Variants in CHST11 observed in about 807,000 individuals in gnomAD.
The protein encoded by CHST11 is C4S-1.
In CHST11, 9 loss-of-function variants were observed where a neutral mutation model predicts 30.4. The ratio of observed to expected loss-of-function variants is 0.30; its 90% confidence interval spans 0.18 to 0.52. The LOEUF (loss-of-function observed/expected upper bound fraction) is 0.52, where lower values mean the gene tolerates loss of function less well. Ranked by LOEUF, CHST11 falls within the 20% of genes least tolerant of loss-of-function variation. The probability of loss-of-function intolerance (pLI) is 0.97; values close to 1 mark genes in which losing one functional copy is unlikely to be tolerated. For missense variants in CHST11, 348 were observed against 460.6 expected (o/e 0.76, Z 2.24); for synonymous variants, 152 against 187.8 (o/e 0.81, Z 1.56).
chr12:104,579,429 T>G (rs887162952), intron 1 of CHST11, among the ~76,000 whole-genome samples: 1 of 152,194 alleles, frequency 6.6e-6, no homozygotes, highest in African/African-American at 2.4e-5. Flanking sequence ...TCTTGTGACC[T>G]TGGGGGCATC....
chr12:104,608,356 C>T (rs567443402), intron 2 of CHST11, among the ~76,000 whole-genome samples: 1 of 152,220 alleles, frequency 6.6e-6, no homozygotes, highest in East Asian at 1.9e-4. Flanking sequence ...GTGCAAATAA[C>T]TCCCCATCTT....
At chr12:104,727,326 G>A (rs1470993932) in intron 2 of CHST11, among the ~76,000 whole-genome samples, 1 of 152,198 alleles carries the variant, frequency 6.6e-6, no homozygotes, top group African/African-American at 2.4e-5. Flanking sequence ...AGCAATAAAT[G>A]TGTTAATCTA....
intron 1 of CHST11, among the ~76,000 whole-genome samples, chr12:104,473,844 G>C (rs1015553918): frequency 2.6e-5 from 4 of 151,834 alleles, no homozygotes; most frequent in African/African-American, 9.7e-5. Context: ...GAATAATTGA[G>C]AGCTGGTTTT....
At chr12:104,714,062 C>T (rs1383128828) in intron 2 of CHST11, among the ~76,000 whole-genome samples, 2 of 152,206 alleles carry the variant, frequency 1.3e-5, no homozygotes, top group South Asian at 4.1e-4. Context: ...CTAAGCATAG[C>T]TCAGAGCATT....
intron 2 of CHST11, among the ~76,000 whole-genome samples, chr12:104,753,961 T>C (rs929214392): frequency 9.2e-5 from 14 of 152,106 alleles, no homozygotes; most frequent in Admixed American, 1.3e-4. Context: ...GGCCCCATAT[T>C]TGGGTCATAA....
intron 1 of CHST11, among the ~76,000 whole-genome samples, chr12:104,595,722 C>T (rs887849652): frequency 6.6e-6 from 1 of 152,146 alleles, no homozygotes; most frequent in Non-Finnish European, 1.5e-5. Context: ...GTGCCATGGA[C>T]CAGGTGCCAT....
chr12:104,741,377 A>G (rs548923593), intron 2 of CHST11, among the ~76,000 whole-genome samples: 9 of 152,334 alleles, frequency 5.9e-5, no homozygotes, highest in Admixed American at 5.9e-4. Flanking sequence ...CACTGGAAGC[A>G]TGCAACATGC....
chr12:104,597,446 T>C (rs2038916538), intron 1 of CHST11, among the ~76,000 whole-genome samples: 1 of 152,190 alleles, frequency 6.6e-6, no homozygotes, highest in African/African-American at 2.4e-5. Context: ...TTTGCGGGGC[T>C]TTTGATCATC....
intron 1 of CHST11, among the ~76,000 whole-genome samples, chr12:104,464,912 A>G (rs1214347310): frequency 2.0e-5 from 3 of 152,204 alleles, no homozygotes; most frequent in Non-Finnish European, 4.4e-5. Flanking sequence ...CCCATGTCCT[A>G]TCCCCATAAA....
intron 2 of CHST11, among the ~76,000 whole-genome samples, chr12:104,686,975 A>C (rs2039852588): frequency 6.6e-6 from 1 of 152,152 alleles, no homozygotes; most frequent in Admixed American, 6.5e-5. Flanking sequence ...TTTTGTTTTA[A>C]AATTGTATAT....
At position 104,650,749 on chromosome 12, in the gene CHST11, T is replaced by C. The variant is rs1041801491; in HGVS notation, c.204+48758T>C. On this transcript the variant is annotated intron_variant, in intron 2 of 2. Coordinates refer to ENST00000303694, the MANE Select transcript of CHST11 (RefSeq NM_018413.6). ...TTGGAAATGGAATTTGATCTGAGCCTAAAACGTGAGAGGCACAATAGCACT... is the reference window on the plus strand; with the variant it reads ...TTGGAAATGGAATTTGATCTGAGCCCAAAACGTGAGAGGCACAATAGCACT... Among the ~76,000 whole-genome samples, 4 of 152,194 alleles carry C rather than the reference T, an allele frequency of 2.6e-5. No individual in the cohort carries two copies. In the East Asian group the frequency reaches 7.7e-4, roughly 29 times the overall value.
At chr12:104,629,223 C>T (rs1401097371) in intron 2 of CHST11, among the ~76,000 whole-genome samples, 1 of 152,220 alleles carries the variant, frequency 6.6e-6, no homozygotes, top group Non-Finnish European at 1.5e-5. Flanking sequence ...TTTACGACAA[C>T]ATACTTTTTT....
intron 1 of CHST11, among the ~76,000 whole-genome samples, chr12:104,543,849 C>T (rs1248042428): frequency 3.3e-5 from 5 of 152,152 alleles, no homozygotes; most frequent in Non-Finnish European, 5.9e-5. Context: ...GTATCTGAAG[C>T]AGGGCATGGA....
intron 2 of CHST11, among the ~76,000 whole-genome samples, chr12:104,649,121 G>T (rs769203628): frequency 6.6e-6 from 1 of 152,004 alleles, no homozygotes; most frequent in African/African-American, 2.4e-5. Flanking sequence ...GGGGGAAGCA[G>T]AGTAGAGAAG....
intron 2 of CHST11, among the ~76,000 whole-genome samples, chr12:104,708,625 G>A (rs1266663636): frequency 6.6e-6 from 1 of 152,076 alleles, no homozygotes; most frequent in Non-Finnish European, 1.5e-5. Context: ...CCCCCTCCTA[G>A]CCAGCCCACC....
chr12:104,659,713 T>C (rs1425064406), intron 2 of CHST11, among the ~76,000 whole-genome samples: 2 of 152,138 alleles, frequency 1.3e-5, no homozygotes, highest in Admixed American at 1.3e-4. Context: ...TGCCTGTAAT[T>C]CCAGTGCTTT....
At chr12:104,548,064 C>T (rs1440252883) in intron 1 of CHST11, among the ~76,000 whole-genome samples, 15 of 152,174 alleles carry the variant, frequency 9.9e-5, no homozygotes, top group Admixed American at 8.5e-4. Flanking sequence ...ATGGCTGGGC[C>T]TTCTGTTACT....
At chr12:104,737,635 T>G (rs2040312238) in intron 2 of CHST11, among the ~76,000 whole-genome samples, 2 of 152,236 alleles carry the variant, frequency 1.3e-5, no homozygotes, top group Non-Finnish European at 2.9e-5. Context: ...TTGACCCTTT[T>G]GCCCAGTGCC....
intron 1 of CHST11, among the ~76,000 whole-genome samples, chr12:104,515,122 T>TG (rs911104974): frequency 7.2e-5 from 11 of 152,154 alleles, no homozygotes; most frequent in Admixed American, 2.6e-4. Context: ...TTAAAATGGT[T>TG]GGGAAAAAAA....
Sources: allele counts gnomAD v4.1 joint callset (sites outside exome capture counted in the v4.1 genomes callset), GRCh38; gene constraint gnomAD v4.1.1; transcripts MANE v1.5; gene names NCBI Gene and HGNC (gene_info 2026-07-23, HGNC 2026-07-21).